The following SLC6A16 variants were observed in gnomAD, a reference collection of about 807,000 sequenced individuals.
The protein encoded by SLC6A16 is orphan sodium- and chloride-dependent neurotransmitter transporter NTT5.
A neutral mutation model predicts 65.4 loss-of-function variants in SLC6A16; 54 were observed. That is an observed-to-expected ratio of 0.83 (90% CI 0.66 to 1.04). The LOEUF (loss-of-function observed/expected upper bound fraction) is 1.04, where lower values mean the gene tolerates loss of function less well. Among genes scored for constraint, SLC6A16 ranks in the 50% least tolerant of loss-of-function variants. The pLI is 0.00. For missense variants in SLC6A16, 816 were observed against 914.0 expected, an observed-to-expected ratio of 0.89 and a Z score of 1.38; for synonymous variants, 330 against 346.5, an observed-to-expected ratio of 0.95 and a Z score of 0.53.
At chr19:49,338,947 G>A in the SLC6A16 span, 5 of 1,602,914 alleles carry the variant, frequency 3.1e-6, no homozygotes, top group Admixed American at 1.7e-5. The surrounding 1 kb of genome is among the most constrained non-coding windows in gnomAD (Gnocchi z 5.0). Context: ...GTGGGCAGGG[G>A]TTCGGAGCAT....
the SLC6A16 span, chr19:49,335,530 A>C: frequency 3.7e-6 from 6 of 1,610,702 alleles, no homozygotes; most frequent in Non-Finnish European, 5.1e-6. The surrounding 1 kb of genome is among the most constrained non-coding windows in gnomAD (Gnocchi z 4.6). Context: ...CGCTTACCCC[A>C]CTAGGTGAAG....
rs1391032022 is a variant in SLC6A16 at position 49,320,088 on chromosome 19, T to G, written c.-65+4960A>C. On this transcript the variant is annotated intron_variant, in intron 1 of 11. Transcript: ENST00000335875. Reference sequence around the variant, plus strand: ...AACAAAAGCAATGCCAAGGGGGAAATTTATAACTATCAATGGTTACATTAA... The same window carrying G: ...AACAAAAGCAATGCCAAGGGGGAAAGTTATAACTATCAATGGTTACATTAA... 3.3e-5 allele frequency among the ~76,000 whole-genome samples: 5 copies of G among 151,908 alleles called. No homozygotes were observed. In the East Asian group the frequency reaches 9.7e-4, roughly 29 times the overall value.
At chr19:49,290,867 T>C in intron 10 of SLC6A16, 100 bp from the exon 11 acceptor site, 1 of 951,120 alleles carries the variant, frequency 1.1e-6, no homozygotes, top group Non-Finnish European at 1.6e-6. Context: ...TTCTATTGTA[T>C]CTCTAATCTC....
intron 7 of SLC6A16, among the ~76,000 whole-genome samples, chr19:49,299,059 C>T (rs921374864): frequency 6.6e-6 from 1 of 151,926 alleles, no homozygotes; most frequent in Non-Finnish European, 1.5e-5. Context: ...TCCTGGCTAA[C>T]ACGGTGAAAC....
chr19:49,321,974 C>T (rs1396102888), intron 1 of SLC6A16, among the ~76,000 whole-genome samples: 2 of 150,760 alleles, frequency 1.3e-5, no homozygotes, highest in Non-Finnish European at 3.0e-5. Context: ...ATACGAAAAA[C>T]TCACAGCAAA....
At chr19:49,298,172 C>T (rs987367520) in intron 7 of SLC6A16, among the ~76,000 whole-genome samples, 4 of 152,078 alleles carry the variant, frequency 2.6e-5, no homozygotes, top group Non-Finnish European at 4.4e-5. Flanking sequence ...TGTAGAGAAA[C>T]AATGTTAAAA....
At chr19:49,303,918 C>T (rs574788624) in intron 7 of SLC6A16, among the ~76,000 whole-genome samples, 1 of 152,302 alleles carries the variant, frequency 6.6e-6, no homozygotes, top group Admixed American at 6.5e-5. Flanking sequence ...GACTATGGAA[C>T]AGACAAAATT....
At chr19:49,334,775 C>A in the SLC6A16 span, among the ~76,000 whole-genome samples, 5 of 152,080 alleles carry the variant, frequency 3.3e-5, no homozygotes, top group Admixed American at 6.6e-5. Context: ...CACCTGTAAT[C>A]CCAGCTACTC....
In SLC6A16 at chr19:49,310,913, T is replaced by A; in HGVS notation, c.415+20A>T. The A allele has an allele frequency of 6.3e-7, 1 of 1,581,464 alleles. No individual in the cohort carries two copies. The highest frequency in any genetic ancestry group is 8.6e-7 in the Non-Finnish European group (1 of 1,156,074). On this transcript the variant is annotated intron_variant, in intron 2 of 11. Coordinates refer to ENST00000335875, the MANE Select transcript of SLC6A16 (RefSeq NM_014037.3). ...CTGATTGCCCCTTGTGGACCCAGGT[T>A]TCCTGGTCCCCAGACTTACAGCCTC...
chr19:49,310,846 T>C, intron 2 of SLC6A16, 87 bp downstream of exon 2: 1 of 1,054,798 alleles, frequency 9.5e-7, no homozygotes, highest in Non-Finnish European at 1.4e-6. Flanking sequence ...TCTCTACATA[T>C]CTCAGAAACA....
intron 1 of SLC6A16, among the ~76,000 whole-genome samples, chr19:49,314,924 A>C (rs1034702241): frequency 1.3e-5 from 2 of 152,156 alleles, no homozygotes; most frequent in Non-Finnish European, 2.9e-5. Flanking sequence ...AATTTTTTAA[A>C]CTTCCAAGCA....
rs770975352 is a variant in SLC6A16, at chr19:49,292,579, G to A, written c.1778+644C>T. Reference sequence around the variant, plus strand: ...TCTGCATACAAAGCTGAGTCCTATCGTGGCTTACAAAACCCTACATGACTT... The same window carrying A: ...TCTGCATACAAAGCTGAGTCCTATCATGGCTTACAAAACCCTACATGACTT... On this transcript the variant is annotated intron_variant, in intron 10 of 11. Coordinates refer to ENST00000335875, the MANE Select transcript of SLC6A16 (RefSeq NM_014037.3). The surrounding 1 kb of genome is among the most constrained non-coding windows in gnomAD (Gnocchi z 4.3). 7.9e-5 allele frequency among the ~76,000 whole-genome samples: 12 copies of A among 152,142 alleles called. No individual in the cohort carries two copies. The East Asian group carries it at 1.2e-3, about 15-fold the overall frequency.
intron 7 of SLC6A16, among the ~76,000 whole-genome samples, chr19:49,302,788 A>G (rs1413179360): frequency 6.6e-6 from 1 of 152,226 alleles, no homozygotes; most frequent in Admixed American, 6.6e-5. Context: ...AAAGGCACTG[A>G]AAATATGAAA....
chr19:49,322,035 C>T (rs555208676), intron 1 of SLC6A16, among the ~76,000 whole-genome samples: 50 of 152,006 alleles, frequency 3.3e-4, no homozygotes, highest in Non-Finnish European at 5.7e-4. Context: ...AGATTAGAAA[C>T]AAGCGTAGAA....
the SLC6A16 span, among the ~76,000 whole-genome samples, chr19:49,332,951 C>G: frequency 6.6e-6 from 1 of 152,126 alleles, no homozygotes. Context: ...CACTTGAGGT[C>G]AGGAGTTCAA....
chr19:49,313,283 C>T (rs944287904), intron 1 of SLC6A16, among the ~76,000 whole-genome samples: 4 of 152,040 alleles, frequency 2.6e-5, no homozygotes, highest in African/African-American at 7.3e-5. Context: ...TCACCTTATC[C>T]TCCAAAGTAC....
intron 1 of SLC6A16, among the ~76,000 whole-genome samples, chr19:49,315,022 A>G (rs1173900739): frequency 6.8e-6 from 1 of 147,630 alleles, no homozygotes; most frequent in Non-Finnish European, 1.5e-5. Flanking sequence ...CTTACCCACA[A>G]TCTCCCCCTA....
intron 1 of SLC6A16, among the ~76,000 whole-genome samples, chr19:49,321,504 G>A (rs969120760): frequency 1.3e-5 from 2 of 152,104 alleles, no homozygotes; most frequent in African/African-American, 4.8e-5. Flanking sequence ...GGGAGGCCAA[G>A]GCGGGTGGAT....
intron 1 of SLC6A16, among the ~76,000 whole-genome samples, chr19:49,316,830 G>A (rs569204067): frequency 3.5e-4 from 50 of 141,318 alleles, no homozygotes; most frequent in African/African-American, 1.3e-3. Context: ...GATAAGCCTT[G>A]ACAATGCAGT....
Sources: gnomAD v4.1 joint callset for allele counts (sites outside exome capture counted in the v4.1 genomes callset) on GRCh38, gnomAD v4.1.1 for gene constraint, Gnocchi (gnomAD v3.1) non-coding constraint, MANE v1.5 for transcripts, NCBI Gene and HGNC (gene_info 2026-07-23, HGNC 2026-07-21) for gene names.